MED13L: variants seen among roughly 807,000 people sequenced by gnomAD.
MED13L encodes the protein mediator of RNA polymerase II transcription subunit 13-like.
In MED13L, 7 loss-of-function variants were observed where a neutral mutation model predicts 220.9. The observed-to-expected ratio is 0.03, with a 90% CI of 0.02 to 0.06. The LOEUF (loss-of-function observed/expected upper bound fraction) is 0.06. Ranked by LOEUF, MED13L falls within the 10% of genes least tolerant of loss-of-function variation. MED13L has a pLI of 1.00. For synonymous variants in MED13L, 1,011 were observed against 1,015.2 expected (o/e 1.00, Z 0.08); for missense variants, 1,965 against 2,760.5 (o/e 0.71, Z 6.46).
chr12:116,217,632 C>T (rs772990149), intron 2 of MED13L, among the ~76,000 whole-genome samples: 4 of 152,166 alleles, frequency 2.6e-5, no homozygotes, highest in Non-Finnish European at 5.9e-5. Flanking sequence ...AGAAGTACTT[C>T]CCCCATCACA....
intron 14 of MED13L, among the ~76,000 whole-genome samples, chr12:116,001,423 C>T (rs11067875): frequency 0.3 from 46,290 of 152,094 alleles, 8,243 homozygotes; most frequent in Non-Finnish European, 0.4. Flanking sequence ...TCTCCAACTC[C>T]TGACCTCAAG....
At chr12:116,001,776 A>G (rs1009985438) in intron 14 of MED13L, among the ~76,000 whole-genome samples, 6 of 152,246 alleles carry the variant, frequency 3.9e-5, no homozygotes, top group African/African-American at 7.2e-5. Flanking sequence ...GCACTTTATC[A>G]TAAAATTTTG....
At chr12:116,164,268 C>T (rs1001994910) in intron 2 of MED13L, among the ~76,000 whole-genome samples, 3 of 152,108 alleles carry the variant, frequency 2.0e-5, no homozygotes, top group Admixed American at 2.0e-4. Context: ...TTTGTTATTT[C>T]AGAGACAGAT....
chr12:116,022,835 T>A (rs1020147279), intron 4 of MED13L, among the ~76,000 whole-genome samples: 2 of 152,206 alleles, frequency 1.3e-5, no homozygotes, highest in Non-Finnish European at 2.9e-5. Flanking sequence ...TACAAAATGT[T>A]TCCAGTTTCA....
chr12:116,034,081 T>G (rs927830031), intron 4 of MED13L, among the ~76,000 whole-genome samples: 6 of 152,056 alleles, frequency 3.9e-5, no homozygotes, highest in African/African-American at 1.4e-4. Context: ...ATCTAACCCC[T>G]ATTTATATTT....
chr12:116,099,002 C>T (rs75528540), intron 3 of MED13L, among the ~76,000 whole-genome samples: 6,392 of 152,206 alleles, frequency 0.042, 475 homozygotes, highest in African/African-American at 0.14. Flanking sequence ...ATAATATTAT[C>T]AATAACTGCT....
intron 3 of MED13L, 141 bp downstream of exon 3, chr12:116,111,287 G>A: frequency 1.4e-6 from 1 of 718,736 alleles, no homozygotes; most frequent in East Asian, 2.7e-5. Context: ...TCAATAGAAA[G>A]AGAAACTAAA....
chr12:116,172,475 G>GA (rs1322498755), intron 2 of MED13L, among the ~76,000 whole-genome samples: 10 of 152,102 alleles, frequency 6.6e-5, no homozygotes, highest in Non-Finnish European at 7.4e-5. Flanking sequence ...CTAGAAATGA[G>GA]AAACTTCCTG....
intron 16 of MED13L, among the ~76,000 whole-genome samples, chr12:115,995,864 G>A (rs901436500): frequency 2.6e-5 from 4 of 152,142 alleles, no homozygotes; most frequent in Non-Finnish European, 4.4e-5. Context: ...AAAACAGATC[G>A]GTTGTATGGG....
rs117047517 is a variant in MED13L at position 115,986,040 on chromosome 12, T to C, written c.4338+226A>G. On this transcript the variant is annotated intron_variant, in intron 19 of 30. Transcript: ENST00000281928. ...ACTGATGGGATTTTAAGACGTGTGG[T>C]AAGAATGGGAGGGGAACGTTTTCTA... Among the ~76,000 whole-genome samples the C allele has an allele frequency of 4.1e-4, 62 of 152,208 alleles. No homozygotes were observed. In the East Asian group the frequency reaches 9.9e-3, roughly 24 times the overall value.
At chr12:115,984,149 A>G (rs1592915704) in intron 20 of MED13L, 31 bp downstream of exon 20, 3 of 1,608,664 alleles carry the variant, frequency 1.9e-6, no homozygotes, top group South Asian at 1.1e-5. Flanking sequence ...TACTTCTCCA[A>G]TTCTACTTTG....
At chr12:116,249,806 CAAAT>C (rs1255045292) in intron 1 of MED13L, among the ~76,000 whole-genome samples, 1 of 54,478 alleles carries the variant, frequency 1.8e-5, no homozygotes, top group Non-Finnish European at 3.9e-5. Context: ...AGCTGAAAAA[CAAAT>C]AATTTGTAAA....
intron 2 of MED13L, among the ~76,000 whole-genome samples, chr12:116,180,197 G>C (rs80039179): frequency 0.02 from 3,035 of 152,242 alleles, 57 homozygotes; most frequent in Middle Eastern, 0.051. Flanking sequence ...ACAATACACA[G>C]GACAGACAGC....
chr12:116,240,116 C>T (rs1870481463), intron 1 of MED13L, among the ~76,000 whole-genome samples: 1 of 149,522 alleles, frequency 6.7e-6, no homozygotes, highest in Non-Finnish European at 1.5e-5. Context: ...CTTACAAGTT[C>T]CTTTTTTTTT....
intron 2 of MED13L, among the ~76,000 whole-genome samples, chr12:116,151,748 A>G (rs968231843): frequency 6.6e-6 from 1 of 152,208 alleles, no homozygotes; most frequent in African/African-American, 2.4e-5. Flanking sequence ...TAACCTTCCT[A>G]AGGGTGAAAG....
Position 115,969,113 on chromosome 12 carries a change from G to GA in MED13L, c.6068-17dup, listed in dbSNP as rs35517594. 6 of 1,611,236 alleles carry GA rather than the reference G, an allele frequency of 3.7e-6. No homozygotes were observed. Among genetic ancestry groups the GA allele is most frequent in the South Asian group, 2.2e-5 (2 of 90,854 alleles). ...AACATATCATCTAGAGGGAAGGGGG[G>GA]AAAAAAAGCACAAAAATTAAAAAGA... On this transcript the variant is annotated splice_polypyrimidine_tract_variant and intron_variant, in intron 27 of 30. Transcript: ENST00000281928.
chr12:116,254,348 C>T (rs543279230), intron 1 of MED13L, among the ~76,000 whole-genome samples: 2 of 151,888 alleles, frequency 1.3e-5, no homozygotes, highest in African/African-American at 4.8e-5. Flanking sequence ...CAAGGATTTA[C>T]AAAAAAAGCT....
Position 115,983,318 on chromosome 12 carries a change from G to A in MED13L, c.4754C>T (p.Pro1585Leu). Residue 1585 changes from proline (P) to leucine (L), a missense_variant, in exon 21 of 31, where the codon CCA becomes CTA. This residue lies in a region of MED13L where 510 missense variants were observed against 620.4 expected (regional missense o/e 0.82). Coordinates refer to ENST00000281928, the MANE Select transcript of MED13L (RefSeq NM_015335.5). ...AGCAGAGGCAGACGATGAGACCGGTGGCACAGAGGAACCAGATGCAGAACT... is the reference window on the plus strand; with the variant it reads ...AGCAGAGGCAGACGATGAGACCGGTAGCACAGAGGAACCAGATGCAGAACT... ...ASSSASGSSV[P>L]PVSSSASAPG... 1 of 1,614,188 alleles carries A rather than the reference G, an allele frequency of 6.2e-7. No individual in the cohort carries two copies.
chr12:116,022,543 T>C lies in MED13L; in HGVS notation c.538A>G (p.Ser180Gly), dbSNP rs747658099. The stretch of plus-strand genomic sequence containing the variant: ...GGCTGGTGCTGGGCAATCTCCACAC[T>C]TGTGCATACATTACTTTCTCCATGC... ...FLHGESNVCT[S>G]VEIAQHQPIY... The change falls in exon 5 of 31, where the codon AGT (serine) becomes GGT (glycine). Residue 180 changes from serine to glycine, a missense_variant. Ser to Gly is a moderately conservative substitution (Grantham distance 56). Coordinates refer to ENST00000281928, the MANE Select transcript of MED13L (RefSeq NM_015335.5). The C allele has an allele frequency of 6.2e-7, 1 of 1,613,366 alleles. No individual in the cohort carries two copies. The highest frequency in any genetic ancestry group is 2.2e-5 in the East Asian group (1 of 44,822).
Sources: gnomAD v4.1 joint callset for allele counts (sites outside exome capture counted in the v4.1 genomes callset) on GRCh38, gnomAD v4.1.1 for gene constraint, gnomAD v4.1.1 regional missense constraint, MANE v1.5 for transcripts, NCBI Gene and HGNC (gene_info 2026-07-23, HGNC 2026-07-21) for gene names.